The following RBFOX1 variants were observed in gnomAD, a reference collection of about 807,000 sequenced individuals.
RBFOX1 encodes RNA binding fox-1 homolog 1.
In RBFOX1, 8 loss-of-function variants were observed where a neutral mutation model predicts 57.7. That is an observed-to-expected ratio of 0.14 (90% CI 0.08 to 0.25). The LOEUF (loss-of-function observed/expected upper bound fraction) is 0.25. Ranked by LOEUF, RBFOX1 falls within the 10% of genes least tolerant of loss-of-function variation. The pLI, the probability that RBFOX1 is intolerant of heterozygous loss-of-function variation, is 1.00. For synonymous variants in RBFOX1, 326 were observed against 222.4 expected (o/e 1.47, Z -4.15); for missense variants, 611 against 548.5 (o/e 1.11, Z -1.14).
chr16:5,256,653 G>C (rs1317685994), intron 1 of RBFOX1, among the ~76,000 whole-genome samples: 2 of 152,152 alleles, frequency 1.3e-5, no homozygotes, highest in Non-Finnish European at 2.9e-5. Context: ...ATAGCTAAGT[G>C]GCTGGGCATG....
intron 5 of RBFOX1, among the ~76,000 whole-genome samples, chr16:7,530,280 C>G (rs74010554): frequency 0.032 from 4,926 of 152,204 alleles, 232 homozygotes; most frequent in African/African-American, 0.11. Flanking sequence ...CTGTACCATG[C>G]CCTTCCTCTG....
chr16:5,850,984 G>C (rs1006599241), intron 3 of RBFOX1, among the ~76,000 whole-genome samples: 1 of 152,202 alleles, frequency 6.6e-6, no homozygotes, highest in Non-Finnish European at 1.5e-5. Flanking sequence ...CATCCTCTGA[G>C]CTAAGCCGAG....
chr16:5,674,635 G>C (rs902646143), intron 3 of RBFOX1, among the ~76,000 whole-genome samples: 1 of 152,216 alleles, frequency 6.6e-6, no homozygotes, highest in African/African-American at 2.4e-5. Flanking sequence ...CAAAGTTATT[G>C]TGGGTTTTGC....
intron 4 of RBFOX1, among the ~76,000 whole-genome samples, chr16:7,204,691 G>A (rs565993315): frequency 6.6e-6 from 1 of 152,080 alleles, no homozygotes; most frequent in African/African-American, 2.4e-5. Flanking sequence ...AAGACATCAG[G>A]GATTATTCAC....
At chr16:5,677,702 C>G (rs554573445) in intron 3 of RBFOX1, among the ~76,000 whole-genome samples, 3 of 152,194 alleles carry the variant, frequency 2.0e-5, no homozygotes. Context: ...TCTATCAAGT[C>G]TGAAAAACAC....
chr16:5,271,744 A>C (rs148967785), intron 1 of RBFOX1, among the ~76,000 whole-genome samples: 86 of 152,304 alleles, frequency 5.6e-4, no homozygotes, highest in African/African-American at 1.9e-3. Context: ...AGTGTCTCCT[A>C]TCCCCTACCT....
chr16:6,434,829 T>C (rs1320622381), intron 2 of RBFOX1, among the ~76,000 whole-genome samples: 3 of 152,204 alleles, frequency 2.0e-5, no homozygotes, highest in Non-Finnish European at 2.9e-5. Context: ...TTCCAATGAT[T>C]TGTACCTCAT....
intron 2 of RBFOX1, among the ~76,000 whole-genome samples, chr16:5,540,850 A>T (rs1413094004): frequency 1.3e-5 from 2 of 152,040 alleles, no homozygotes; most frequent in African/African-American, 4.8e-5. Context: ...GCAGTTTTTT[A>T]AATTTATTTT....
chr16:5,926,174 C>T (rs1033850734), intron 4 of RBFOX1, among the ~76,000 whole-genome samples: 1 of 152,174 alleles, frequency 6.6e-6, no homozygotes, highest in African/African-American at 2.4e-5. Flanking sequence ...ATGATGCATT[C>T]CTTTTAAATC....
chr16:7,499,773 G>A (rs998982931), intron 4 of RBFOX1, among the ~76,000 whole-genome samples: 3 of 151,760 alleles, frequency 2.0e-5, no homozygotes, highest in African/African-American at 4.8e-5. Flanking sequence ...ATTTAATGTC[G>A]ATCAGCCTCA....
At chr16:7,406,884 C>T (rs1173748480) in intron 4 of RBFOX1, among the ~76,000 whole-genome samples, 2 of 152,152 alleles carry the variant, frequency 1.3e-5, no homozygotes, top group Admixed American at 1.3e-4. Flanking sequence ...AGGCCACCTG[C>T]TTTCCTTGGC....
At chr16:7,439,309 C>G (rs908812711) in intron 4 of RBFOX1, among the ~76,000 whole-genome samples, 2 of 151,592 alleles carry the variant, frequency 1.3e-5, no homozygotes, top group Admixed American at 6.6e-5. Context: ...TCATGTCCCT[C>G]TTTTCATGGA....
At chr16:7,564,540 CAAAAAAAAAAAAAAAA>C (rs5815409) in intron 5 of RBFOX1, among the ~76,000 whole-genome samples, 39,509 of 83,044 alleles carry the variant, frequency 0.48, 7,443 homozygotes, top group Admixed American at 0.53. Flanking sequence ...GACTCCATCT[CAAAAAAAAAAAAAAAA>C]AAAAAAAAAA....
chr16:6,959,824 C>G (rs1312325075), intron 3 of RBFOX1, among the ~76,000 whole-genome samples: 1 of 152,104 alleles, frequency 6.6e-6, no homozygotes, highest in Non-Finnish European at 1.5e-5. Context: ...GTAATTCCAG[C>G]TACTCGGGAG....
chr16:6,561,081 T>G (rs1361071897), intron 2 of RBFOX1, among the ~76,000 whole-genome samples: 2 of 152,192 alleles, frequency 1.3e-5, no homozygotes, highest in Non-Finnish European at 2.9e-5. Flanking sequence ...CAGCTGTTTT[T>G]CATTAGTGCT....
chr16:7,117,826 C>G (rs980762771), intron 4 of RBFOX1, among the ~76,000 whole-genome samples: 1 of 152,164 alleles, frequency 6.6e-6, no homozygotes, highest in Non-Finnish European at 1.5e-5. Flanking sequence ...CGAACAGGAT[C>G]TGCTTTCAAG....
At chr16:7,490,366 T>G (rs993563907) in intron 4 of RBFOX1, among the ~76,000 whole-genome samples, 2 of 152,144 alleles carry the variant, frequency 1.3e-5, no homozygotes, top group African/African-American at 4.8e-5. Flanking sequence ...CTGGCGAGAT[T>G]AGGTTTGCAG....
Position 7,710,859 on chromosome 16 carries a change from T to A in RBFOX1, c.*114T>A, listed in dbSNP as rs76536772. The A allele has an allele frequency of 5.5e-5, 52 of 946,484 alleles. No homozygotes were observed. Among genetic ancestry groups the A allele is most frequent in the Non-Finnish European group, 6.3e-5 (45 of 717,092 alleles). The allele number at this position is 946,484 out of a possible 1,614,324, so 58.6% of individuals were successfully genotyped here. A position where few individuals can be genotyped will look rare whatever the true frequency, so the allele number is the denominator to read the frequency against. On this transcript the variant is annotated 3_prime_UTR_variant, in exon 16 of 16. Transcript: ENST00000550418. Reference sequence around the variant, plus strand: ...TTAGCAACTCTAAAAAAAAAAAAAATACAAATAAAAAGGAAAAAAAATTAC... The same window carrying A: ...TTAGCAACTCTAAAAAAAAAAAAAAAACAAATAAAAAGGAAAAAAAATTAC...
intron 3 of RBFOX1, among the ~76,000 whole-genome samples, chr16:6,711,659 G>T (rs909670435): frequency 6.6e-4 from 100 of 152,242 alleles, no homozygotes; most frequent in African/African-American, 2.4e-3. Flanking sequence ...CATCCGTGTG[G>T]AACTGTGAAT....
Sources: gnomAD v4.1 joint callset for allele counts (sites outside exome capture counted in the v4.1 genomes callset) on GRCh38, gnomAD v4.1.1 for gene constraint, MANE v1.5 for transcripts, NCBI Gene and HGNC (gene_info 2026-07-23, HGNC 2026-07-21) for gene names.